HAUS1: variants seen among roughly 807,000 people sequenced by gnomAD.
The protein encoded by HAUS1 is HAUS augmin-like complex subunit 1.
HAUS1 carries 25 observed loss-of-function variants against 38.6 expected under a neutral mutation model. The observed-to-expected ratio is 0.65, with a 90% CI of 0.47 to 0.91. The LOEUF (loss-of-function observed/expected upper bound fraction) is 0.91, where lower values mean the gene tolerates loss of function less well. Among genes scored for constraint, HAUS1 ranks in the 40% least tolerant of loss-of-function variants. The probability of loss-of-function intolerance (pLI) is 0.00; values close to 1 mark genes in which losing one functional copy is unlikely to be tolerated. For synonymous variants in HAUS1, 109 were observed against 112.9 expected, an observed-to-expected ratio of 0.97 and a Z score of 0.22; for missense variants, 325 against 328.4, an observed-to-expected ratio of 0.99 and a Z score of 0.08.
chr18:46,122,603 G>T lies in HAUS1; in HGVS notation c.600+13G>T, dbSNP rs781455255. The T allele has an allele frequency of 5.0e-6, 8 of 1,613,936 alleles. No individual in the cohort carries two copies. The South Asian group carries it at 8.8e-5, about 18-fold the overall frequency. On this transcript the variant is annotated intron_variant, in intron 5 of 8. Coordinates refer to ENST00000282058, the MANE Select transcript of HAUS1 (RefSeq NM_138443.4). Reference sequence around the variant, plus strand: ...CAAGGCTGCAGAGGTTTGTATGAAGGACCGAATATAGTTAGCTCTCTTCGG... The same window carrying T: ...CAAGGCTGCAGAGGTTTGTATGAAGTACCGAATATAGTTAGCTCTCTTCGG...
chr18:46,106,203 G>GC, intron 2 of HAUS1, among the ~76,000 whole-genome samples: 1 of 152,262 alleles, frequency 6.6e-6, no homozygotes, highest in South Asian at 2.1e-4. Context: ...GGGCACGGTG[G>GC]CTTACGCCTG....
In HAUS1 at chr18:46,105,257, C is replaced by T. The variant is rs2144239888; in HGVS notation, c.94C>T (p.Arg32Trp). The change falls in exon 2 of 9, where the codon CGG becomes TGG. Residue 32 changes from arginine to tryptophan, a missense_variant. Physicochemically the swap from Arg to Trp is moderately radical, Grantham distance 101. Coordinates refer to ENST00000282058, the MANE Select transcript of HAUS1 (RefSeq NM_138443.4). Reference protein sequence around the residue: ...HPIPQYEVNPRTTEILHHLSE... With the variant: ...HPIPQYEVNPWTTEILHHLSE... ...TATTCCACAGTATGAGGTGAACCCACGGACCACAGAGATTTTACATCACCT... is the reference window on the plus strand; with the variant it reads ...TATTCCACAGTATGAGGTGAACCCATGGACCACAGAGATTTTACATCACCT... The T allele has an allele frequency of 6.2e-7, 1 of 1,613,392 alleles. No homozygotes were observed. The highest frequency in any genetic ancestry group is 2.2e-5 in the East Asian group (1 of 44,868).
chr18:46,124,024 A>C (rs1158113817), intron 6 of HAUS1, among the ~76,000 whole-genome samples: 1 of 152,118 alleles, frequency 6.6e-6, no homozygotes, highest in African/African-American at 2.4e-5. Context: ...TAGAAGTGTA[A>C]GCCACCACAC....
chr18:46,124,324 G>A (rs1912034873), intron 6 of HAUS1, among the ~76,000 whole-genome samples: 1 of 148,522 alleles, frequency 6.7e-6, no homozygotes, highest in Admixed American at 6.8e-5. Context: ...GCAGGAGAAA[G>A]AAGAATCACT....
At chr18:46,122,340 G>T in intron 4 of HAUS1, 127 bp from the exon 5 acceptor site, 1 of 848,476 alleles carries the variant, frequency 1.2e-6, no homozygotes, top group Non-Finnish European at 1.9e-6. Context: ...AACATGGAGG[G>T]GAAGATGACC....
Position 46,112,938 on chromosome 18 carries a change from TAA to T in HAUS1, c.206-5242_206-5241del, listed in dbSNP as rs1232350752. 7.2e-5 allele frequency among the ~76,000 whole-genome samples: 8 copies of T among 110,366 alleles called. 1 individual carries two copies. Among genetic ancestry groups the T allele is most frequent in the African/African-American group, 2.7e-4 (7 of 25,962 alleles). 72.4% of individuals were successfully genotyped at this position (110,366 alleles called of 152,430 possible). On this transcript the variant is annotated intron_variant, in intron 2 of 8. Transcript: ENST00000282058. ...ATATATAATGTGTATATATTCCATA[TAA>T]TATATATAATATATATAATATGTAT... is the stretch of plus-strand genomic sequence containing the variant.
intron 2 of HAUS1, chr18:46,115,200 G>C (rs1911767548): frequency 6.6e-6 from 1 of 152,084 alleles, no homozygotes; most frequent in Non-Finnish European, 1.5e-5. Flanking sequence ...GCCAGGCACG[G>C]TGTAATCCCA....
At chr18:46,114,622 A>T (rs1911754833) in intron 2 of HAUS1, among the ~76,000 whole-genome samples, 1 of 152,140 alleles carries the variant, frequency 6.6e-6, no homozygotes, top group Admixed American at 6.6e-5. Flanking sequence ...TCTCAACCAC[A>T]TCCCGCTGGG....
chr18:46,109,394 G>A (rs1374241042), intron 2 of HAUS1, among the ~76,000 whole-genome samples: 2 of 152,152 alleles, frequency 1.3e-5, no homozygotes, highest in African/African-American at 4.8e-5. Flanking sequence ...GGGCCACGGA[G>A]CCAAACTATA....
chr18:46,121,013 T>C (rs1911924630), intron 4 of HAUS1, among the ~76,000 whole-genome samples: 1 of 152,246 alleles, frequency 6.6e-6, no homozygotes, highest in African/African-American at 2.4e-5. Context: ...ATCCCTCTTA[T>C]GATACTTTAG....
chr18:46,117,945 C>T (rs1350884260), intron 2 of HAUS1, among the ~76,000 whole-genome samples: 1 of 151,458 alleles, frequency 6.6e-6, no homozygotes, highest in Non-Finnish European at 1.5e-5. Flanking sequence ...GACTCCATTT[C>T]AAAAAGAAAA....
intron 3 of HAUS1, chr18:46,118,517 GGATTA>G (rs1485568454): frequency 1.9e-6 from 1 of 537,500 alleles, no homozygotes; most frequent in Admixed American, 3.4e-5. Flanking sequence ...TCTTCTTCCA[GGATTA>G]GATTTATGAA....
intron 2 of HAUS1, among the ~76,000 whole-genome samples, chr18:46,107,548 A>T (rs1911510788): frequency 6.6e-6 from 1 of 152,142 alleles, no homozygotes; most frequent in Non-Finnish European, 1.5e-5. Context: ...CTCTTTTCTA[A>T]GTTTTTCCTT....
chr18:46,111,356 A>C (rs186044945), intron 2 of HAUS1, among the ~76,000 whole-genome samples: 3 of 151,806 alleles, frequency 2.0e-5, no homozygotes, highest in East Asian at 3.9e-4. Context: ...ACAGAGTCTC[A>C]CTCTGTTGCC....
chr18:46,117,856 G>GA (rs1461451275), intron 2 of HAUS1, among the ~76,000 whole-genome samples: 1 of 152,072 alleles, frequency 6.6e-6, no homozygotes, highest in Non-Finnish European at 1.5e-5. Flanking sequence ...TGAGGCAGGA[G>GA]AATCACTGGA....
chr18:46,115,753 A>C (rs2144255874), intron 2 of HAUS1, among the ~76,000 whole-genome samples: 1 of 152,330 alleles, frequency 6.6e-6, no homozygotes, highest in East Asian at 1.9e-4. Context: ...CAAGCAAACA[A>C]AATAAAAAGT....
chr18:46,119,853 C>T, intron 3 of HAUS1, 73 bp from the exon 4 acceptor site: 4 of 1,324,802 alleles, frequency 3.0e-6, no homozygotes, highest in Non-Finnish European at 4.1e-6. Flanking sequence ...GCAATAAAGT[C>T]ATTTTTAGCA....
intron 4 of HAUS1, among the ~76,000 whole-genome samples, chr18:46,121,411 C>T (rs137934359): frequency 0.013 from 2,050 of 152,008 alleles, 47 homozygotes; most frequent in African/African-American, 0.045. Flanking sequence ...AGGCTGGTCT[C>T]GAACTTCATG....
chr18:46,110,938 G>T (rs73440280), intron 2 of HAUS1, among the ~76,000 whole-genome samples: 2,315 of 141,422 alleles, frequency 0.016, 78 homozygotes, highest in African/African-American at 0.058. Flanking sequence ...GTGCAGTGGC[G>T]CATTCTCGGC....
Sources: gnomAD v4.1 joint callset for allele counts (sites outside exome capture counted in the v4.1 genomes callset) on GRCh38, gnomAD v4.1.1 for gene constraint, MANE v1.5 for transcripts, NCBI Gene and HGNC (gene_info 2026-07-23, HGNC 2026-07-21) for gene names.